The following NKAIN3 variants were observed in gnomAD, a reference collection of about 807,000 sequenced individuals.
The protein encoded by NKAIN3 is sodium/potassium-transporting ATPase subunit beta-1-interacting protein 3.
Under a neutral mutation model 30.2 loss-of-function variants are expected in NKAIN3, and 25 were observed. The ratio of observed to expected loss-of-function variants is 0.83; its 90% CI spans 0.60 to 1.16. The LOEUF (loss-of-function observed/expected upper bound fraction) is 1.16. Among genes scored for constraint, NKAIN3 ranks in the 50% most tolerant of loss-of-function variants. The pLI, the probability that NKAIN3 is intolerant of heterozygous loss-of-function variation, is 0.00. For synonymous variants in NKAIN3, 91 were observed against 89.6 expected (o/e 1.02, Z -0.09); for missense variants, 225 against 254.1 (o/e 0.89, Z 0.78).
At position 62,745,617 on chromosome 8, in the gene NKAIN3, C is replaced by T. The variant is rs181510200; in HGVS notation, c.274-1315C>T. Among the ~76,000 whole-genome samples the T allele has an allele frequency of 2.9e-3, 448 of 152,350 alleles. 1 individual carries two copies. Among genetic ancestry groups the T allele is most frequent in the African/African-American group, 0.01 (426 of 41,584 alleles). On this transcript the variant is annotated intron_variant, in intron 3 of 6. Coordinates refer to ENST00000623646, the MANE Select transcript of NKAIN3 (RefSeq NM_001304533.3). ...CCACAACATTATGATCTTAGCCCTT[C>T]ATACATTAACACCCCAGAAATACTA...
chr8:62,834,349 T>C (rs942430647), intron 4 of NKAIN3, among the ~76,000 whole-genome samples: 2 of 151,976 alleles, frequency 1.3e-5, no homozygotes, highest in Non-Finnish European at 2.9e-5. Context: ...GAGAAATAAA[T>C]AAAATGTATC....
chr8:62,743,611 C>T (rs114796579), intron 3 of NKAIN3, among the ~76,000 whole-genome samples: 1 of 152,148 alleles, frequency 6.6e-6, no homozygotes, highest in Non-Finnish European at 1.5e-5. Context: ...CATGGTGGCT[C>T]ATGGTCCTAG....
intron 3 of NKAIN3, among the ~76,000 whole-genome samples, chr8:62,613,693 T>A (rs1811359715): frequency 6.6e-6 from 1 of 152,108 alleles, no homozygotes; most frequent in Non-Finnish European, 1.5e-5. Flanking sequence ...TGTTTAGGCA[T>A]GTTTTATTGT....
chr8:62,500,136 C>T (rs1807379998), intron 1 of NKAIN3, among the ~76,000 whole-genome samples: 1 of 152,040 alleles, frequency 6.6e-6, no homozygotes, highest in Non-Finnish European at 1.5e-5. Context: ...TCATCCTCAA[C>T]CCGTCTATTT....
At chr8:62,740,854 A>G (rs926679944) in intron 3 of NKAIN3, among the ~76,000 whole-genome samples, 1 of 152,128 alleles carries the variant, frequency 6.6e-6, no homozygotes, top group African/African-American at 2.4e-5. Context: ...GTTTACTTAA[A>G]TATATTTTAG....
intron 3 of NKAIN3, among the ~76,000 whole-genome samples, chr8:62,720,097 T>C (rs766104546): frequency 2.0e-4 from 30 of 152,300 alleles, no homozygotes; most frequent in South Asian, 8.3e-4. Flanking sequence ...AATTCAGATA[T>C]AGACACTAAA....
At chr8:62,540,526 A>G (rs929328909) in intron 1 of NKAIN3, among the ~76,000 whole-genome samples, 1 of 151,936 alleles carries the variant, frequency 6.6e-6, no homozygotes, top group African/African-American at 2.4e-5. Flanking sequence ...TTAACCTCCA[A>G]CTCTACTCCA....
intron 4 of NKAIN3, among the ~76,000 whole-genome samples, chr8:62,878,834 C>A (rs1820882569): frequency 6.6e-6 from 1 of 152,074 alleles, no homozygotes; most frequent in Non-Finnish European, 1.5e-5. Flanking sequence ...CTACAAAGAA[C>A]ATGAACTCAT....
rs148051717 is a variant in NKAIN3 at position 62,920,521 on chromosome 8, A to G, written c.532+2008A>G. On this transcript the variant is annotated intron_variant, in intron 5 of 6. Coordinates refer to ENST00000623646, the MANE Select transcript of NKAIN3 (RefSeq NM_001304533.3). ...AAATGGATACTTCTGTTAACTTTCTATTAGCCTTCTTTTCAGTGTATATAA... is the reference window on the plus strand; with the variant it reads ...AAATGGATACTTCTGTTAACTTTCTGTTAGCCTTCTTTTCAGTGTATATAA... 2.6e-5 allele frequency among the ~76,000 whole-genome samples: 4 copies of G among 152,318 alleles called. No individual in the cohort carries two copies. The East Asian group carries it at 7.7e-4, about 29-fold the overall frequency.
At chr8:62,857,550 A>C (rs1325244058) in intron 4 of NKAIN3, among the ~76,000 whole-genome samples, 1 of 152,082 alleles carries the variant, frequency 6.6e-6, no homozygotes, top group African/African-American at 2.4e-5. Flanking sequence ...ATTCCTTTAC[A>C]TTCTTTTTTA....
chr8:62,937,944 C>T (rs1822837836), intron 5 of NKAIN3, among the ~76,000 whole-genome samples: 2 of 152,050 alleles, frequency 1.3e-5, no homozygotes, highest in African/African-American at 2.4e-5. Flanking sequence ...TCCCACTACC[C>T]TGGCAACCTG....
chr8:62,601,370 T>A (rs1485972678), intron 3 of NKAIN3, among the ~76,000 whole-genome samples: 1 of 151,966 alleles, frequency 6.6e-6, no homozygotes, highest in Non-Finnish European at 1.5e-5. Context: ...AAATAGTATA[T>A]CTGGCAAATT....
chr8:62,654,241 T>A (rs1411381429), intron 3 of NKAIN3, among the ~76,000 whole-genome samples: 6 of 150,236 alleles, frequency 4.0e-5, no homozygotes, highest in Admixed American at 4.0e-4. Context: ...AATAAATGAG[T>A]CAATAAAATG....
At chr8:62,852,731 C>A (rs1467194969) in intron 4 of NKAIN3, among the ~76,000 whole-genome samples, 3 of 152,088 alleles carry the variant, frequency 2.0e-5, no homozygotes, top group African/African-American at 7.2e-5. Flanking sequence ...CATTCAGGAG[C>A]AGGTTGTTCT....
At chr8:62,719,727 T>G (rs1292736628) in intron 3 of NKAIN3, among the ~76,000 whole-genome samples, 2 of 151,820 alleles carry the variant, frequency 1.3e-5, no homozygotes, top group Non-Finnish European at 2.9e-5. Context: ...TCCTGTAATC[T>G]TCTGCATACA....
chr8:62,864,445 G>T (rs1158913205), intron 4 of NKAIN3, among the ~76,000 whole-genome samples: 4 of 152,186 alleles, frequency 2.6e-5, no homozygotes, highest in African/African-American at 9.7e-5. Context: ...GCAACTGGAC[G>T]ATGAAGAGGA....
At chr8:62,611,916 A>G (rs1334589829) in intron 3 of NKAIN3, among the ~76,000 whole-genome samples, 1 of 152,038 alleles carries the variant, frequency 6.6e-6, no homozygotes, top group Non-Finnish European at 1.5e-5. Context: ...ACAGCATATG[A>G]GGTTTCCCTT....
chr8:62,897,957 T>C (rs879744440), intron 4 of NKAIN3, among the ~76,000 whole-genome samples: 3 of 152,182 alleles, frequency 2.0e-5, no homozygotes, highest in Non-Finnish European at 4.4e-5. Context: ...GCCAAATTAA[T>C]ATATTTTCTT....
chr8:62,382,004 G>A (rs1347989551), intron 1 of NKAIN3, among the ~76,000 whole-genome samples: 4 of 152,116 alleles, frequency 2.6e-5, no homozygotes, highest in African/African-American at 9.7e-5. Flanking sequence ...GCATTCAGAT[G>A]TGGGCTAGCA....
Sources: gnomAD v4.1 joint callset for allele counts (sites outside exome capture counted in the v4.1 genomes callset) on GRCh38, gnomAD v4.1.1 for gene constraint, MANE v1.5 for transcripts, NCBI Gene and HGNC (gene_info 2026-07-23, HGNC 2026-07-21) for gene names.